Variants in TRPM4 observed in about 807,000 individuals in gnomAD.
TRPM4 encodes the protein transient receptor potential cation channel subfamily M member 4, also known as calcium-activated non-selective cation channel 1.
TRPM4 carries 124 observed loss-of-function variants against 135.6 expected under a neutral mutation model. The ratio of observed to expected loss-of-function variants is 0.91; its 90% CI spans 0.79 to 1.06. The LOEUF (loss-of-function observed/expected upper bound fraction) is 1.06. Ranked by LOEUF, TRPM4 falls within the 50% of genes least tolerant of loss-of-function variation. The pLI, the probability that TRPM4 is intolerant of heterozygous loss-of-function variation, is 0.00. For missense variants in TRPM4, 1,658 were observed against 1,671.4 expected, an observed-to-expected ratio of 0.99 and a Z score of 0.14; for synonymous variants, 745 against 705.6, an observed-to-expected ratio of 1.06 and a Z score of -0.88.
chr19:49,166,066 C>A lies in TRPM4; in HGVS notation c.118C>A (p.Pro40Thr). Reference sequence around the variant, plus strand: ...AGGGACCTTGTGCCAGTGTGGGCGCCCCCGGACCGCCCACCCCGCAGTGGC... The same window carrying A: ...AGGGACCTTGTGCCAGTGTGGGCGCACCCGGACCGCCCACCCCGCAGTGGC... ...PGGTLCQCGR[P>T]RTAHPAVAME... is the part of the protein sequence containing the mutation. Residue 40 changes from proline (P) to threonine (T), a missense_variant, in exon 3 of 25, where the codon CCC becomes ACC. This residue lies in a region of TRPM4 where 239 missense variants were observed against 240.1 expected (regional missense o/e 1.00). Coordinates refer to ENST00000252826, the MANE Select transcript of TRPM4 (RefSeq NM_017636.4). 6.3e-7 allele frequency: 1 copy of A among 1,599,832 alleles called. No homozygotes were observed.
chr19:49,179,307 G>A (rs375001684), intron 9 of TRPM4, among the ~76,000 whole-genome samples: 6 of 151,926 alleles, frequency 3.9e-5, no homozygotes, highest in East Asian at 3.9e-4. Context: ...CGCCCACCTC[G>A]GCCTCCCAAG....
intron 15 of TRPM4, 27 bp downstream of exon 15, chr19:49,190,347 G>A (rs1280129986): frequency 1.9e-6 from 3 of 1,601,362 alleles, no homozygotes; most frequent in African/African-American, 2.7e-5. Flanking sequence ...GAGAGTGGTG[G>A]GGATGGGGGC....
chr19:49,168,308 T>A lies in TRPM4; in HGVS notation c.497T>A (p.Val166Asp). 6.2e-7 allele frequency: 1 copy of A among 1,614,066 alleles called. No homozygotes were observed. Among genetic ancestry groups the A allele is most frequent in the Non-Finnish European group, 8.5e-7 (1 of 1,180,016 alleles). Residue 166 changes from valine to aspartate, a missense_variant, in exon 5 of 25, where the codon GTT becomes GAT. By Grantham distance (152) the Val-to-Asp change is radical. Coordinates refer to ENST00000252826, the MANE Select transcript of TRPM4 (RefSeq NM_017636.4). The part of the protein sequence containing the change: ...GGLHTGIGRH[V>D]GVAVRDHQMA... The stretch of plus-strand genomic sequence containing the variant: ...CTGCACACGGGCATCGGCCGGCATG[T>A]TGGTGTGGCTGTACGGGACCATCAG...
chr19:49,186,086 C>G (rs1568474895), intron 12 of TRPM4, among the ~76,000 whole-genome samples: 1 of 152,112 alleles, frequency 6.6e-6, no homozygotes, highest in African/African-American at 2.4e-5. Flanking sequence ...TTTGGAAAGT[C>G]TGTATTCTTT....
In TRPM4 at chr19:49,171,555, T is replaced by G; in HGVS notation, c.859-23T>G. On this transcript the variant is annotated intron_variant, in intron 7 of 24. Coordinates refer to ENST00000252826, the MANE Select transcript of TRPM4 (RefSeq NM_017636.4). The surrounding 1 kb of genome is among the most constrained non-coding windows in gnomAD (Gnocchi z 4.7). ...ATCCTGCCTTTTCTGACGTGATGAA[T>G]AAAGAATGCCTTTATCCTGTAGCGA... The G allele has an allele frequency of 6.2e-7, 1 of 1,613,898 alleles. No individual in the cohort carries two copies. Among genetic ancestry groups the G allele is most frequent in the South Asian group, 1.1e-5 (1 of 91,070 alleles).
intron 17 of TRPM4, among the ~76,000 whole-genome samples, chr19:49,198,223 G>T (rs558585196): frequency 6.6e-6 from 1 of 152,298 alleles, no homozygotes; most frequent in Admixed American, 6.5e-5. Flanking sequence ...GTTGTATTTT[G>T]TATAAAGTGA....
chr19:49,202,542 G>C (rs369915850), intron 20 of TRPM4, among the ~76,000 whole-genome samples: 1 of 151,826 alleles, frequency 6.6e-6, no homozygotes. Context: ...GGAGAGAGGG[G>C]TCTCACTATG....
intron 17 of TRPM4, among the ~76,000 whole-genome samples, chr19:49,199,495 G>A (rs1455976773): frequency 1.3e-5 from 2 of 152,106 alleles, no homozygotes; most frequent in Non-Finnish European, 2.9e-5. Context: ...TCCTGACCCC[G>A]TGATCCGCCC....
chr19:49,190,815 G>C (rs1192822909), intron 16 of TRPM4, 42 bp downstream of exon 16: 1 of 1,586,046 alleles, frequency 6.3e-7, no homozygotes, highest in South Asian at 1.1e-5. Context: ...GGGACACCCT[G>C]GGCAGTTCAG....
At chr19:49,203,308 T>A (rs955380165) in intron 20 of TRPM4, among the ~76,000 whole-genome samples, 1 of 152,000 alleles carries the variant, frequency 6.6e-6, no homozygotes, top group Admixed American at 6.6e-5. Context: ...GCCTCCCAAG[T>A]AGCTAGGACT....
intron 16 of TRPM4, among the ~76,000 whole-genome samples, chr19:49,191,846 T>C (rs927637369): frequency 1.3e-5 from 2 of 152,146 alleles, no homozygotes; most frequent in Non-Finnish European, 2.9e-5. Flanking sequence ...ACATCCAAAC[T>C]ATATCACACG....
intron 9 of TRPM4, among the ~76,000 whole-genome samples, chr19:49,177,330 CTTTT>C (rs36041791): frequency 1.0e-4 from 12 of 117,270 alleles, no homozygotes; most frequent in African/African-American, 2.6e-4. Context: ...ATGAATGCGT[CTTTT>C]TTTTTTTTTT....
Position 49,182,870 on chromosome 19 carries a change from A to C in TRPM4, c.1556A>C (p.Tyr519Ser). 5 of 1,608,026 alleles carry C rather than the reference A, an allele frequency of 3.1e-6. No homozygotes were observed. The highest frequency in any genetic ancestry group is 4.2e-6 in the Non-Finnish European group (5 of 1,176,994). The part of the protein sequence containing the change: ...MLLGKMCAPR[Y>S]PSGGAWDPHP... ...CTGGGGAAGATGTGCGCGCCGAGGTACCCCTCCGGGGGCGCCTGGGACCCT... is the reference window on the plus strand; with the variant it reads ...CTGGGGAAGATGTGCGCGCCGAGGTCCCCCTCCGGGGGCGCCTGGGACCCT... The change falls in exon 11 of 25, where the codon TAC (tyrosine) becomes TCC (serine). Residue 519 changes from tyrosine (Y) to serine (S), a missense_variant. Tyr to Ser is a moderately radical substitution (Grantham distance 144, BLOSUM62 -2). Transcript: ENST00000252826.
intron 2 of TRPM4, among the ~76,000 whole-genome samples, chr19:49,164,481 C>A (rs1423181017): frequency 7.1e-6 from 1 of 140,684 alleles, no homozygotes; most frequent in African/African-American, 2.6e-5. Flanking sequence ...TGGGTTCAAC[C>A]AATTCTCCTG....
chr19:49,200,943 C>T (rs1968907092), intron 19 of TRPM4, among the ~76,000 whole-genome samples, 158 bp downstream of exon 19: 1 of 152,026 alleles, frequency 6.6e-6, no homozygotes, highest in Non-Finnish European at 1.5e-5. Context: ...CCATCATCAT[C>T]TCTCTGGGTC....
At chr19:49,206,355 C>T (rs556994654) in intron 20 of TRPM4, among the ~76,000 whole-genome samples, 4 of 152,002 alleles carry the variant, frequency 2.6e-5, no homozygotes, top group African/African-American at 7.2e-5. Context: ...CTATTCTGGG[C>T]CTCCTGCAAT....
chr19:49,157,881 G>C lies in TRPM4; in HGVS notation c.15G>C (p.Glu5Asp). The part of the protein sequence containing the change: MVVP[E>D]KEQSWIPKIF... Reference sequence around the variant, plus strand: ...GCCGCGGCAGCATGGTGGTGCCGGAGAAGGAGCAGGTGAGCGCCGGACCAG... The same window carrying C: ...GCCGCGGCAGCATGGTGGTGCCGGACAAGGAGCAGGTGAGCGCCGGACCAG... The change falls in exon 1 of 25, where the codon GAG becomes GAC. Residue 5 changes from glutamate (E) to aspartate (D), a missense_variant. Physicochemically the swap from Glu to Asp is conservative, Grantham distance 45. This residue lies in a region of TRPM4 where 239 missense variants were observed against 240.1 expected (regional missense o/e 1.00). Transcript: ENST00000252826. 6.5e-7 allele frequency: 1 copy of C among 1,535,096 alleles called. No individual in the cohort carries two copies. Among genetic ancestry groups the C allele is most frequent in the Non-Finnish European group, 8.7e-7 (1 of 1,146,444 alleles).
At chr19:49,193,237 C>T (rs1341124534) in intron 16 of TRPM4, among the ~76,000 whole-genome samples, 8 of 151,910 alleles carry the variant, frequency 5.3e-5, no homozygotes, top group South Asian at 2.1e-4. Context: ...CCCGCCACCA[C>T]GCCCGGCTAA....
intron 16 of TRPM4, among the ~76,000 whole-genome samples, chr19:49,192,970 G>A (rs1201653635): frequency 6.6e-6 from 1 of 151,814 alleles, no homozygotes; most frequent in African/African-American, 2.4e-5. Context: ...TCCTTCCCTA[G>A]CAATTTCTCA....
Sources: gnomAD v4.1 joint callset for allele counts (sites outside exome capture counted in the v4.1 genomes callset) on GRCh38, gnomAD v4.1.1 for gene constraint, gnomAD v4.1.1 regional missense constraint, Gnocchi (gnomAD v3.1) non-coding constraint, MANE v1.5 for transcripts, NCBI Gene and HGNC (gene_info 2026-07-23, HGNC 2026-07-21) for gene names.